Variants in PTPN11 observed in about 807,000 individuals in gnomAD.
The protein encoded by PTPN11 is protein tyrosine phosphatase non-receptor type 11, also known as tyrosine-protein phosphatase non-receptor type 11.
A neutral mutation model predicts 78.8 loss-of-function variants in PTPN11; 6 were observed. The observed-to-expected ratio is 0.08, with a 90% confidence interval of 0.04 to 0.15. The LOEUF is 0.15. PTPN11 is among the 10% of genes least tolerant of loss of function. PTPN11 has a pLI of 1.00. For missense variants in PTPN11, 386 were observed against 744.8 expected, an observed-to-expected ratio of 0.52 and a Z score of 5.61; for synonymous variants, 221 against 263.5, an observed-to-expected ratio of 0.84 and a Z score of 1.56.
Position 112,506,946 on chromosome 12 carries a change from TTGATGATGATGATGA to T in PTPN11, c.*1187_*1201del, listed in dbSNP as rs80269561. ...ACAGTGTCCCTTCTACTTCCCTCTA[TTGATGATGATGATGA>T]TGATGATGATGATGATGATGATGAT... On this transcript the variant is annotated 3_prime_UTR_variant, in exon 16 of 16. Coordinates refer to ENST00000351677, the MANE Select transcript of PTPN11 (RefSeq NM_002834.5). 9.7e-5 allele frequency: 21 copies of T among 217,386 alleles called. No individual in the cohort carries two copies. Among genetic ancestry groups the T allele is most frequent in the East Asian group, 1.5e-4 (1 of 6,508 alleles). The allele number at this position is 217,386 out of a possible 1,614,324, so 13.5% of individuals were successfully genotyped here.
intron 6 of PTPN11, among the ~76,000 whole-genome samples, chr12:112,467,963 G>A (rs752570644): frequency 3.3e-5 from 5 of 152,134 alleles, no homozygotes; most frequent in African/African-American, 4.8e-5. Flanking sequence ...CATCCAAACC[G>A]TATCATTAAA....
At chr12:112,491,258 C>T (rs1400823687) in intron 13 of PTPN11, among the ~76,000 whole-genome samples, 8 of 150,282 alleles carry the variant, frequency 5.3e-5, no homozygotes, top group African/African-American at 2.0e-4. Flanking sequence ...TTGTTAACTT[C>T]CAACTACAGT....
intron 6 of PTPN11, among the ~76,000 whole-genome samples, chr12:112,469,768 G>A (rs2038384984): frequency 2.0e-5 from 3 of 152,172 alleles, no homozygotes; most frequent in Admixed American, 2.0e-4. Context: ...ATCCACCTTG[G>A]CCTCCCAAAG....
chr12:112,454,696 A>G lies in PTPN11; in HGVS notation c.642+16A>G. ...ACTCAAGCAGGTGAGCAGATTGGAA[A>G]GCTCAAGCTTTCTCCTTAAAAACTT... On this transcript the variant is annotated intron_variant, in intron 5 of 15. Transcript: ENST00000351677. The G allele has an allele frequency of 6.4e-7, 1 of 1,574,786 alleles. No homozygotes were observed. The highest frequency in any genetic ancestry group is 8.7e-7 in the Non-Finnish European group (1 of 1,144,232).
chr12:112,488,730 C>T (rs1277839551), intron 12 of PTPN11, among the ~76,000 whole-genome samples: 1 of 152,166 alleles, frequency 6.6e-6, no homozygotes. Context: ...CTGCCATGGC[C>T]TTTTGTTGCA....
intron 11 of PTPN11, 60 bp from the exon 12 acceptor site, chr12:112,488,383 T>G: frequency 3.6e-6 from 5 of 1,370,930 alleles, no homozygotes; most frequent in Non-Finnish European, 5.2e-6. Context: ...GGCTTGGTTT[T>G]GAGTCTGAAA....
At chr12:112,443,197 GACAAA>G (rs1443299240) in intron 1 of PTPN11, among the ~76,000 whole-genome samples, 2 of 151,656 alleles carry the variant, frequency 1.3e-5, no homozygotes, top group Non-Finnish European at 2.9e-5. Flanking sequence ...TATAGCAAAA[GACAAA>G]ACAACAACAA....
intron 7 of PTPN11, among the ~76,000 whole-genome samples, chr12:112,474,149 G>A (rs534904706): frequency 6.6e-6 from 1 of 152,246 alleles, no homozygotes; most frequent in South Asian, 2.1e-4. Context: ...AGGAGTTCGA[G>A]AGTAGCCTGG....
intron 1 of PTPN11, among the ~76,000 whole-genome samples, chr12:112,437,186 T>C (rs2037805773): frequency 6.6e-6 from 1 of 152,180 alleles, no homozygotes; most frequent in African/African-American, 2.4e-5. Context: ...GGTCTCACTG[T>C]GTCACTCAGG....
intron 6 of PTPN11, among the ~76,000 whole-genome samples, chr12:112,457,094 C>T (rs1693399871): frequency 6.6e-6 from 1 of 152,082 alleles, no homozygotes; most frequent in Non-Finnish European, 1.5e-5. Context: ...TGCTCTCCCT[C>T]CCCTTTAATG....
At chr12:112,451,041 C>T (rs898589249) in intron 3 of PTPN11, among the ~76,000 whole-genome samples, 2 of 152,132 alleles carry the variant, frequency 1.3e-5, no homozygotes, top group African/African-American at 2.4e-5. Flanking sequence ...ATGTTATTTT[C>T]GAGATCTTTC....
At chr12:112,459,653 G>A (rs889360606) in intron 6 of PTPN11, among the ~76,000 whole-genome samples, 1 of 151,788 alleles carries the variant, frequency 6.6e-6, no homozygotes, top group Non-Finnish European at 1.5e-5. Flanking sequence ...TTTTAGTAGG[G>A]ACAGGGTTTT....
intron 6 of PTPN11, among the ~76,000 whole-genome samples, chr12:112,456,608 T>C (rs2038165082): frequency 6.6e-6 from 1 of 151,906 alleles, no homozygotes; most frequent in Non-Finnish European, 1.5e-5. Context: ...TACAGGCACA[T>C]GCCCCTATGC....
At chr12:112,486,184 A>G (rs1566185293) in intron 10 of PTPN11, among the ~76,000 whole-genome samples, 1 of 151,958 alleles carries the variant, frequency 6.6e-6, no homozygotes, top group Non-Finnish European at 1.5e-5. Context: ...GATGCAGGGG[A>G]ATAGGGATGT....
chr12:112,485,990 A>T (rs1037548709), intron 10 of PTPN11, among the ~76,000 whole-genome samples: 3 of 134,942 alleles, frequency 2.2e-5, no homozygotes, highest in Non-Finnish European at 4.5e-5. Context: ...TGGAAAAAAA[A>T]AAAAAAAAGA....
intron 6 of PTPN11, among the ~76,000 whole-genome samples, chr12:112,472,536 CTT>C (rs71445574): frequency 7.0e-5 from 10 of 141,860 alleles, no homozygotes; most frequent in African/African-American, 5.1e-5. Flanking sequence ...GATGAACCTT[CTT>C]TTTTTTTTTT....
chr12:112,441,603 G>T (rs539429007), intron 1 of PTPN11, among the ~76,000 whole-genome samples: 1 of 152,162 alleles, frequency 6.6e-6, no homozygotes, highest in East Asian at 1.9e-4. Context: ...GTCAATATTT[G>T]TGGAGAAGTC....
chr12:112,481,999 A>T, intron 9 of PTPN11, 75 bp from the exon 10 acceptor site: 1 of 1,462,036 alleles, frequency 6.8e-7, no homozygotes, highest in South Asian at 1.1e-5. Context: ...AGACTTGAAC[A>T]TTTGTTTGTT....
At chr12:112,477,522 AT>A (rs1294959538) in intron 7 of PTPN11, 128 bp from the exon 8 acceptor site, 6 of 746,764 alleles carry the variant, frequency 8.0e-6, no homozygotes, top group Non-Finnish European at 1.4e-5. Context: ...CTGGGCTTTA[AT>A]TTTTATGTGT....
Sources: gnomAD v4.1 joint callset for allele counts (sites outside exome capture counted in the v4.1 genomes callset) on GRCh38, gnomAD v4.1.1 for gene constraint, MANE v1.5 for transcripts, NCBI Gene and HGNC (gene_info 2026-07-23, HGNC 2026-07-21) for gene names.